The following PTAR1 variants were observed in gnomAD, a reference collection of about 807,000 sequenced individuals.
The protein encoded by PTAR1 is protein prenyltransferase alpha subunit repeat containing 1.
Under a neutral mutation model 45.5 loss-of-function variants are expected in PTAR1, and 17 were observed. The ratio of observed to expected loss-of-function variants is 0.37; its 90% CI spans 0.26 to 0.56. The LOEUF is 0.56. Among genes scored for constraint, PTAR1 ranks in the 20% least tolerant of loss-of-function variants. The probability of loss-of-function intolerance (pLI) is 0.77; values close to 1 mark genes in which losing one functional copy is unlikely to be tolerated. For synonymous variants in PTAR1, 169 were observed against 171.3 expected (o/e 0.99, Z 0.11); for missense variants, 391 against 476.3 (o/e 0.82, Z 1.67).
intron 6 of PTAR1, among the ~76,000 whole-genome samples, chr9:69,722,957 A>AG (rs386414999): frequency 4.0e-5 from 6 of 151,460 alleles, no homozygotes; most frequent in Non-Finnish European, 8.8e-5. Context: ...AAAAAAAAAA[A>AG]AGAGAGATGG....
intron 2 of PTAR1, among the ~76,000 whole-genome samples, chr9:69,750,059 A>G (rs1245424382): frequency 6.6e-6 from 1 of 152,102 alleles, no homozygotes; most frequent in Non-Finnish European, 1.5e-5. Context: ...TCTTCTCCCA[A>G]AAAGTGAGAC....
At chr9:69,758,990 C>G (rs1168701224) in intron 1 of PTAR1, among the ~76,000 whole-genome samples, 1 of 151,686 alleles carries the variant, frequency 6.6e-6, no homozygotes, top group East Asian at 1.9e-4. Flanking sequence ...CTTCCCTACA[C>G]CTTTGTATAA....
chr9:69,734,544 G>C (rs1825693750), intron 3 of PTAR1, among the ~76,000 whole-genome samples: 1 of 151,980 alleles, frequency 6.6e-6, no homozygotes, highest in South Asian at 2.1e-4. Context: ...TTAACTATTT[G>C]CGTGAGGGTA....
intron 2 of PTAR1, among the ~76,000 whole-genome samples, chr9:69,746,708 G>A (rs1826290886): frequency 6.6e-6 from 1 of 152,154 alleles, no homozygotes; most frequent in South Asian, 2.1e-4. Flanking sequence ...GGGAGAAAAA[G>A]AAATCAGGGC....
At chr9:69,752,102 G>A (rs1826559092) in intron 1 of PTAR1, among the ~76,000 whole-genome samples, 1 of 152,050 alleles carries the variant, frequency 6.6e-6, no homozygotes, top group South Asian at 2.1e-4. Context: ...TGAAATAAAT[G>A]TTTTTAGAGT....
In PTAR1 at chr9:69,713,371, A is replaced by T. The variant is rs1403596753; in HGVS notation, c.*4971T>A. The T allele has an allele frequency of 6.6e-6, 1 of 152,148 alleles. No individual in the cohort carries two copies. The highest frequency in any genetic ancestry group is 1.5e-5 in the Non-Finnish European group (1 of 68,002). The allele number at this position is 152,148 out of a possible 1,614,324, so 9.4% of individuals were successfully genotyped here. ...GCTGCCCTTTAGGAATATATTATTC[A>T]ACAGTTCTCTGTAAAAGCACTTTGG... On this transcript the variant is annotated 3_prime_UTR_variant, in exon 8 of 8. Coordinates refer to ENST00000340434, the MANE Select transcript of PTAR1 (RefSeq NM_001099666.2).
chr9:69,715,027 CTG>C lies in PTAR1; in HGVS notation c.*3313_*3314del, dbSNP rs1270363176. 1 of 152,020 alleles carries C rather than the reference CTG, an allele frequency of 6.6e-6. No individual in the cohort carries two copies. The highest frequency in any genetic ancestry group is 1.5e-5 in the Non-Finnish European group (1 of 67,966). 9.4% of individuals were successfully genotyped at this position (152,020 alleles called of 1,614,324 possible). A position where few individuals can be genotyped will look rare whatever the true frequency, so the allele number is the denominator to read the frequency against. On this transcript the variant is annotated 3_prime_UTR_variant, in exon 8 of 8. Transcript: ENST00000340434. ...CAGATGATTAAAAGCAGTTTCGGCT[CTG>C]TATGCAGGATCTGTCCTCTAGTATC...
chr9:69,746,302 G>C (rs1980934), intron 2 of PTAR1, among the ~76,000 whole-genome samples: 136,302 of 152,188 alleles, frequency 0.9, 61,551 homozygotes, highest in Middle Eastern at 0.96. Context: ...TGTGGAAATA[G>C]GAAGAAAGAG....
At position 69,732,235 on chromosome 9, in the gene PTAR1, C is replaced by G. The variant is rs1204865889; in HGVS notation, c.546G>C (p.Glu182Asp). 6.2e-7 allele frequency: 1 copy of G among 1,613,844 alleles called. No individual in the cohort carries two copies. The highest frequency in any genetic ancestry group is 8.5e-7 in the Non-Finnish European group (1 of 1,179,794). The change falls in exon 5 of 8, where the codon GAG (glutamate) becomes GAC (aspartate). Residue 182 changes from glutamate (E) to aspartate (D), a missense_variant. By Grantham distance (45) the Glu-to-Asp change is conservative (BLOSUM62 2). Transcript: ENST00000340434. Reference sequence around the variant, plus strand: ...ATCTCCCTGCTGCTTCACCACAGACCTCCATCTCTTCTTGTATGAGTCGCT... The same window carrying G: ...ATCTCCCTGCTGCTTCACCACAGACGTCCATCTCTTCTTGTATGAGTCGCT... ...RAQRLIQEEMEVCGEAAGRYP... is the reference protein window; with the variant it reads ...RAQRLIQEEMDVCGEAAGRYP...
intron 3 of PTAR1, among the ~76,000 whole-genome samples, chr9:69,737,033 A>G (rs926158128): frequency 6.6e-6 from 1 of 152,200 alleles, no homozygotes; most frequent in Non-Finnish European, 1.5e-5. Flanking sequence ...AATCACTTTA[A>G]GAGGAAATAT....
intron 2 of PTAR1, among the ~76,000 whole-genome samples, chr9:69,749,339 C>T (rs931798592): frequency 3.3e-5 from 5 of 152,186 alleles, no homozygotes; most frequent in Non-Finnish European, 7.4e-5. Context: ...TTCTGTGCAC[C>T]AGAATATAAA....
chr9:69,740,303 ACAGGACTAAGTTC>A (rs1338634064), intron 3 of PTAR1, among the ~76,000 whole-genome samples: 2 of 152,058 alleles, frequency 1.3e-5, no homozygotes, highest in East Asian at 3.9e-4. Flanking sequence ...GGATGATGAA[ACAGGACTAAGTTC>A]CATGAATCTT....
intron 3 of PTAR1, 62 bp from the exon 4 acceptor site, chr9:69,734,316 G>T: frequency 1.4e-5 from 9 of 659,962 alleles, no homozygotes; most frequent in East Asian, 6.3e-5. Context: ...ATATCCAAAG[G>T]TTCTACATGG....
chr9:69,734,062 TA>T, intron 4 of PTAR1, 87 bp downstream of exon 4: 2 of 766,830 alleles, frequency 2.6e-6, no homozygotes, highest in Non-Finnish European at 4.4e-6. Context: ...CTGGAACCAA[TA>T]AGTAACCTTG....
intron 3 of PTAR1, among the ~76,000 whole-genome samples, chr9:69,735,532 A>G (rs1588463383): frequency 1.3e-5 from 2 of 152,220 alleles, no homozygotes; most frequent in South Asian, 2.1e-4. Flanking sequence ...ACCTACAGAT[A>G]CAGAGGGCCA....
At chr9:69,718,709 G>C in intron 6 of PTAR1, 25 bp from the exon 7 acceptor site, 3 of 1,463,588 alleles carry the variant, frequency 2.0e-6, no homozygotes, top group African/African-American at 1.4e-5. Context: ...GGAAGGAAGA[G>C]AATAAAGAAA....
chr9:69,740,611 A>G (rs973257980), intron 3 of PTAR1, among the ~76,000 whole-genome samples: 1 of 150,978 alleles, frequency 6.6e-6, no homozygotes, highest in Non-Finnish European at 1.5e-5. Context: ...CTGCATGTCT[A>G]TTATGTACCG....
chr9:69,748,347 C>A (rs1198581166), intron 2 of PTAR1, among the ~76,000 whole-genome samples: 1 of 151,272 alleles, frequency 6.6e-6, no homozygotes, highest in Non-Finnish European at 1.5e-5. Context: ...ATTTCTCAAA[C>A]ATCAGAATTA....
chr9:69,740,244 G>A (rs1588469625), intron 3 of PTAR1, among the ~76,000 whole-genome samples: 1 of 151,948 alleles, frequency 6.6e-6, no homozygotes, highest in East Asian at 1.9e-4. Flanking sequence ...CACTATGCTA[G>A]TGAGATCATT....
Sources: gnomAD v4.1 joint callset for allele counts (sites outside exome capture counted in the v4.1 genomes callset) on GRCh38, gnomAD v4.1.1 for gene constraint, MANE v1.5 for transcripts, NCBI Gene and HGNC (gene_info 2026-07-23, HGNC 2026-07-21) for gene names.